The following SRD5A2 variants were observed in gnomAD, a reference collection of about 807,000 sequenced individuals.
SRD5A2 encodes steroid 5 alpha-reductase 2.
SRD5A2 carries 30 observed loss-of-function variants against 27.4 expected under a neutral mutation model. The ratio of observed to expected loss-of-function variants is 1.10; its 90% CI spans 0.82 to 1.49. SRD5A2 has a LOEUF of 1.49. SRD5A2 is among the 40% of genes most tolerant of loss of function. The probability of loss-of-function intolerance (pLI) is 0.00; values close to 1 mark genes in which losing one functional copy is unlikely to be tolerated. For synonymous variants in SRD5A2, 141 were observed against 133.6 expected, an observed-to-expected ratio of 1.06 and a Z score of -0.38; for missense variants, 348 against 323.4, an observed-to-expected ratio of 1.08 and a Z score of -0.58.
chr2:31,538,214 C>T (rs968425402), intron 1 of SRD5A2, among the ~76,000 whole-genome samples: 6 of 152,114 alleles, frequency 3.9e-5, no homozygotes, highest in Non-Finnish European at 5.9e-5. Flanking sequence ...CCCATTCTTC[C>T]CCAGACTTGC....
At chr2:31,652,477 T>A in the SRD5A2 span, among the ~76,000 whole-genome samples, 1 of 151,436 alleles carries the variant, frequency 6.6e-6, no homozygotes, top group Non-Finnish European at 1.5e-5. Context: ...GCAAAAAAAA[T>A]TAAGGCCCAG....
At chr2:31,556,529 T>C (rs896711720) in intron 1 of SRD5A2, among the ~76,000 whole-genome samples, 7 of 152,114 alleles carry the variant, frequency 4.6e-5, no homozygotes, top group African/African-American at 1.7e-4. Flanking sequence ...TGGATTCTTA[T>C]ACAAGAAATA....
At chr2:31,541,537 CT>C (rs1558360750) in intron 1 of SRD5A2, among the ~76,000 whole-genome samples, 5 of 149,042 alleles carry the variant, frequency 3.4e-5, no homozygotes, top group African/African-American at 7.4e-5. Context: ...CAAACTGAAC[CT>C]TGCAACAATG....
At chr2:31,573,056 T>C (rs893301186) in intron 1 of SRD5A2, among the ~76,000 whole-genome samples, 2 of 152,132 alleles carry the variant, frequency 1.3e-5, no homozygotes, top group Admixed American at 6.5e-5. Flanking sequence ...GATCACCAAA[T>C]GGGCCCCTTT....
At chr2:31,530,591 A>G (rs1391672681) in intron 3 of SRD5A2, among the ~76,000 whole-genome samples, 2 of 152,220 alleles carry the variant, frequency 1.3e-5, no homozygotes, top group Non-Finnish European at 2.9e-5. Flanking sequence ...TAACTTTGTC[A>G]TTAATTTCTT....
chr2:31,588,058 T>A, the SRD5A2 span, among the ~76,000 whole-genome samples: 1 of 151,960 alleles, frequency 6.6e-6, no homozygotes, highest in East Asian at 1.9e-4. Context: ...TTTGAAAATA[T>A]ACAGTCAGAG....
At chr2:31,613,429 T>A in the SRD5A2 span, among the ~76,000 whole-genome samples, 1 of 152,194 alleles carries the variant, frequency 6.6e-6, no homozygotes, top group African/African-American at 2.4e-5. Context: ...ATATCATTAG[T>A]CATCAGGGAA....
the SRD5A2 span, among the ~76,000 whole-genome samples, chr2:31,652,739 C>T: frequency 2.0e-5 from 3 of 152,130 alleles, no homozygotes; most frequent in Non-Finnish European, 4.4e-5. Flanking sequence ...AAGTGCCAAA[C>T]TTAATCTACA....
chr2:31,549,436 TAA>T (rs1234021008), intron 1 of SRD5A2, among the ~76,000 whole-genome samples: 1 of 152,038 alleles, frequency 6.6e-6, no homozygotes, highest in African/African-American at 2.4e-5. Context: ...TTTTATAAGA[TAA>T]AGAGTCATGA....
At chr2:31,556,340 G>A (rs1466093735) in intron 1 of SRD5A2, among the ~76,000 whole-genome samples, 1 of 152,126 alleles carries the variant, frequency 6.6e-6, no homozygotes, top group Non-Finnish European at 1.5e-5. Context: ...ATAGTGGGTT[G>A]AATGGTAGAC....
the SRD5A2 span, among the ~76,000 whole-genome samples, chr2:31,614,365 G>T: frequency 6.6e-6 from 1 of 152,238 alleles, no homozygotes; most frequent in Non-Finnish European, 1.5e-5. Context: ...TATCTCCTTT[G>T]CCTCCATATC....
At chr2:31,540,836 G>T (rs1001470017) in intron 1 of SRD5A2, among the ~76,000 whole-genome samples, 5 of 152,174 alleles carry the variant, frequency 3.3e-5, no homozygotes, top group African/African-American at 1.2e-4. Flanking sequence ...GCTTGAAGGA[G>T]CCAGGATAAG....
chr2:31,622,517 T>A, the SRD5A2 span, among the ~76,000 whole-genome samples: 1 of 152,140 alleles, frequency 6.6e-6, no homozygotes, highest in Non-Finnish European at 1.5e-5. Flanking sequence ...GCCCAATTCA[T>A]TCAACTTTTG....
At chr2:31,611,337 T>C in the SRD5A2 span, among the ~76,000 whole-genome samples, 5 of 152,138 alleles carry the variant, frequency 3.3e-5, no homozygotes, top group Admixed American at 6.6e-5. Context: ...TATGCAACCG[T>C]AGTAACTGCA....
chr2:31,560,264 G>C (rs1265175765), intron 1 of SRD5A2, among the ~76,000 whole-genome samples: 1 of 152,088 alleles, frequency 6.6e-6, no homozygotes, highest in Non-Finnish European at 1.5e-5. Context: ...TGTCAAGCAA[G>C]CATTGCCTTT....
chr2:31,649,047 A>G, the SRD5A2 span, among the ~76,000 whole-genome samples: 8 of 152,280 alleles, frequency 5.3e-5, no homozygotes, highest in East Asian at 3.9e-4. Flanking sequence ...AGATGCCTCA[A>G]TTCCACAGAG....
chr2:31,540,853 G>T (rs905943868), intron 1 of SRD5A2, among the ~76,000 whole-genome samples: 1 of 152,172 alleles, frequency 6.6e-6, no homozygotes, highest in Non-Finnish European at 1.5e-5. Flanking sequence ...TAAGCAAAAT[G>T]GACCCTGTCC....
At chr2:31,545,204 G>A (rs1666219075) in intron 1 of SRD5A2, among the ~76,000 whole-genome samples, 1 of 151,866 alleles carries the variant, frequency 6.6e-6, no homozygotes, top group South Asian at 2.1e-4. Flanking sequence ...GAAGAGGAGA[G>A]AGAACACTTC....
chr2:31,567,109 C>G (rs978702636), intron 1 of SRD5A2, among the ~76,000 whole-genome samples: 2 of 152,066 alleles, frequency 1.3e-5, no homozygotes, highest in East Asian at 3.9e-4. Flanking sequence ...AATCAATCCC[C>G]AATTGTAGAG....
Sources: allele counts gnomAD v4.1 joint callset (sites outside exome capture counted in the v4.1 genomes callset), GRCh38; gene constraint gnomAD v4.1.1; transcripts MANE v1.5; gene names NCBI Gene and HGNC (gene_info 2026-07-23, HGNC 2026-07-21).